The following MINDY2 variants were observed in gnomAD, a reference collection of about 807,000 sequenced individuals.
MINDY2 encodes the protein ubiquitin carboxyl-terminal hydrolase MINDY-2.
MINDY2 carries 52 observed loss-of-function variants against 68.2 expected under a neutral mutation model. That is an observed-to-expected ratio of 0.76 (90% CI 0.61 to 0.96). The LOEUF is 0.96. Among genes scored for constraint, MINDY2 ranks in the 40% least tolerant of loss-of-function variants. The probability of loss-of-function intolerance (pLI) is 0.00; values close to 1 mark genes in which losing one functional copy is unlikely to be tolerated. For missense variants in MINDY2, 881 were observed against 773.4 expected (o/e 1.14, Z -1.65); for synonymous variants, 372 against 303.0 (o/e 1.23, Z -2.36).
intron 1 of MINDY2, among the ~76,000 whole-genome samples, chr15:58,780,153 C>G (rs563032355): frequency 1.3e-5 from 2 of 151,988 alleles, no homozygotes; most frequent in African/African-American, 4.8e-5. Flanking sequence ...CACTGTAATC[C>G]CAGCACTTTG....
Position 58,819,028 on chromosome 15 carries a change from A to G in MINDY2, c.1123-2689A>G, listed in dbSNP as rs74666311. The stretch of plus-strand genomic sequence containing the variant: ...GTGTCTTGCTGCATTGCCCAGGCTG[A>G]TGTGTAGTAGCATGATCATAGCTCA... On this transcript the variant is annotated intron_variant, in intron 4 of 8. Coordinates refer to ENST00000559228, the MANE Select transcript of MINDY2 (RefSeq NM_001040450.3). 5.5e-3 allele frequency among the ~76,000 whole-genome samples: 833 copies of G among 152,124 alleles called. 3 individuals are homozygous for G. Among genetic ancestry groups the G allele is most frequent in the Middle Eastern group, 0.027 (8 of 294 alleles).
In MINDY2 at chr15:58,858,235, T is replaced by C. The variant is rs1361865673; in HGVS notation, c.*3625T>C. The C allele has an allele frequency of 6.6e-6, 1 of 151,946 alleles. No homozygotes were observed. Among genetic ancestry groups the C allele is most frequent in the Non-Finnish European group, 1.5e-5 (1 of 67,944 alleles). 9.4% of individuals were successfully genotyped at this position (151,946 alleles called of 1,614,324 possible). A position where few individuals can be genotyped will look rare whatever the true frequency, so the allele number is the denominator to read the frequency against. ...ATGAAGTGTAGATTTAAATTTAGGA[T>C]TAGGCTTTGGAATATATCTTGTTTT... On this transcript the variant is annotated 3_prime_UTR_variant, in exon 9 of 9. Coordinates refer to ENST00000559228, the MANE Select transcript of MINDY2 (RefSeq NM_001040450.3).
intron 4 of MINDY2, 108 bp from the exon 5 acceptor site, chr15:58,821,609 T>C: frequency 3.9e-6 from 2 of 506,738 alleles, no homozygotes; most frequent in Non-Finnish European, 6.0e-6. Flanking sequence ...TAAATAATAG[T>C]TTTATATTTA....
chr15:58,801,030 G>A (rs1902611797), intron 2 of MINDY2, among the ~76,000 whole-genome samples: 1 of 152,018 alleles, frequency 6.6e-6, no homozygotes, highest in South Asian at 2.1e-4. Flanking sequence ...CTGGAGTACA[G>A]TGGCGTGATC....
intron 3 of MINDY2, among the ~76,000 whole-genome samples, chr15:58,808,625 G>T (rs1384997387): frequency 6.6e-6 from 1 of 151,714 alleles, no homozygotes. Flanking sequence ...GTTTTTTTGA[G>T]ACAGAGTCTC....
rs1010661596 is a variant in MINDY2, at chr15:58,859,475, G to A, written c.*4865G>A. ...TTAGAAAGTGACTGAAAATGGTAAAGGAACTCATCAGAATCTTAGCGTTCT... is the reference window on the plus strand; with the variant it reads ...TTAGAAAGTGACTGAAAATGGTAAAAGAACTCATCAGAATCTTAGCGTTCT... On this transcript the variant is annotated 3_prime_UTR_variant, in exon 9 of 9. Transcript: ENST00000559228. 2.0e-5 allele frequency: 3 copies of A among 152,102 alleles called. No individual in the cohort carries two copies. The highest frequency in any genetic ancestry group is 6.5e-5 in the Admixed American group (1 of 15,268). The allele number at this position is 152,102 out of a possible 1,614,324, so 9.4% of individuals were successfully genotyped here.
chr15:58,811,386 G>T (rs77521060), intron 4 of MINDY2, among the ~76,000 whole-genome samples: 4,917 of 152,228 alleles, frequency 0.032, 283 homozygotes, highest in African/African-American at 0.11. Flanking sequence ...GGAAGTAGAC[G>T]ACACACTGAA....
At chr15:58,840,356 A>C (rs1428950704) in intron 6 of MINDY2, among the ~76,000 whole-genome samples, 1 of 152,234 alleles carries the variant, frequency 6.6e-6, no homozygotes, top group Admixed American at 6.5e-5. Context: ...TTTGTGGTTT[A>C]CTGTTGCTAA....
intron 5 of MINDY2, among the ~76,000 whole-genome samples, chr15:58,831,055 A>ATATG (rs1555433697): frequency 8.9e-5 from 13 of 145,504 alleles, no homozygotes; most frequent in African/African-American, 3.0e-4. Flanking sequence ...ATATATATAT[A>ATATG]TATATGTTTT....
chr15:58,796,122 A>AG, intron 2 of MINDY2: 1 of 456,052 alleles, frequency 2.2e-6, no homozygotes, highest in South Asian at 1.5e-5. Context: ...CCTCAAGGGC[A>AG]GAAAACTTTT....
At chr15:58,845,707 A>G (rs1350891510) in intron 6 of MINDY2, among the ~76,000 whole-genome samples, 1 of 152,224 alleles carries the variant, frequency 6.6e-6, no homozygotes, top group Non-Finnish European at 1.5e-5. Flanking sequence ...AATATACTCA[A>G]AAGAAAGGAA....
Position 58,810,288 on chromosome 15 carries a change from T to G in MINDY2, c.1022T>G (p.Val341Gly). The change falls in exon 4 of 9, where the codon GTA becomes GGA. Residue 341 changes from valine (V) to glycine (G), a missense_variant. By Grantham distance (109) the Val-to-Gly change is moderately radical (BLOSUM62 -3). Coordinates refer to ENST00000559228, the MANE Select transcript of MINDY2 (RefSeq NM_001040450.3). ...CTACAGACAGGCCTGGATGTAAATG[T>G]AAGATTCACTGGTGTTCGAGTGTTT... ...HKLQTGLDVN[V>G]RFTGVRVFEY... is the part of the protein sequence containing the mutation. The G allele has an allele frequency of 6.2e-7, 1 of 1,613,886 alleles. No individual in the cohort carries two copies. The highest frequency in any genetic ancestry group is 1.1e-5 in the South Asian group (1 of 90,966).
intron 2 of MINDY2, among the ~76,000 whole-genome samples, chr15:58,793,537 TAATTG>T (rs1218370898): frequency 6.6e-6 from 1 of 152,182 alleles, no homozygotes; most frequent in Non-Finnish European, 1.5e-5. Flanking sequence ...CAACAAAAAA[TAATTG>T]AATTGTACAT....
At chr15:58,833,887 C>CG (rs1271216019) in intron 6 of MINDY2, among the ~76,000 whole-genome samples, 7 of 152,058 alleles carry the variant, frequency 4.6e-5, no homozygotes, top group Middle Eastern at 3.2e-3. Context: ...TTATGGGTGT[C>CG]GGGCTGCCGG....
At chr15:58,778,802 CT>C (rs1433678226) in intron 1 of MINDY2, among the ~76,000 whole-genome samples, 5 of 127,226 alleles carry the variant, frequency 3.9e-5, no homozygotes, top group South Asian at 2.4e-4. Flanking sequence ...AATTTTTTTT[CT>C]TTTTTTCTTT....
intron 4 of MINDY2, among the ~76,000 whole-genome samples, chr15:58,816,025 A>G (rs2030663934): frequency 6.6e-6 from 1 of 152,194 alleles, no homozygotes. Flanking sequence ...TCCCACTAGA[A>G]TATAGGTTTT....
At chr15:58,843,464 T>G (rs1327194120) in intron 6 of MINDY2, among the ~76,000 whole-genome samples, 1 of 152,186 alleles carries the variant, frequency 6.6e-6, no homozygotes, top group Non-Finnish European at 1.5e-5. Context: ...AGATGTTAAG[T>G]AATTTGAATC....
At chr15:58,823,707 C>G (rs1390594091) in intron 5 of MINDY2, among the ~76,000 whole-genome samples, 1 of 151,850 alleles carries the variant, frequency 6.6e-6, no homozygotes, top group African/African-American at 2.4e-5. Context: ...AGTATAGAGT[C>G]GTTGATCATT....
chr15:58,785,546 C>T (rs987770646), intron 1 of MINDY2, among the ~76,000 whole-genome samples: 10 of 151,916 alleles, frequency 6.6e-5, no homozygotes, highest in Non-Finnish European at 1.3e-4. Context: ...TCCAAAAAAA[C>T]GTTTATTTAG....
Sources: allele counts gnomAD v4.1 joint callset (sites outside exome capture counted in the v4.1 genomes callset), GRCh38; gene constraint gnomAD v4.1.1; transcripts MANE v1.5; gene names NCBI Gene and HGNC (gene_info 2026-07-23, HGNC 2026-07-21).